Variants in LRRC7 observed in about 807,000 individuals in gnomAD.
The protein encoded by LRRC7 is leucine rich repeat containing 7.
LRRC7 carries 23 observed loss-of-function variants against 175.7 expected under a neutral mutation model. The ratio of observed to expected loss-of-function variants is 0.13; its 90% CI spans 0.09 to 0.19. The LOEUF is 0.19. Among genes scored for constraint, LRRC7 ranks in the 10% least tolerant of loss-of-function variants. The pLI, the probability that LRRC7 is intolerant of heterozygous loss-of-function variation, is 1.00. For missense variants in LRRC7, 1,354 were observed against 1,904.7 expected (o/e 0.71, Z 5.38); for synonymous variants, 685 against 680.9 (o/e 1.01, Z -0.09).
intron 8 of LRRC7, among the ~76,000 whole-genome samples, chr1:69,953,595 C>G (rs1308011326): frequency 6.6e-6 from 1 of 152,016 alleles, no homozygotes. Context: ...TTGACTCTTT[C>G]CATTTCCTGT....
Position 70,038,581 on chromosome 1 carries a change from T to C in LRRC7, c.2757T>C (p.Ser919=), listed in dbSNP as rs146333507. The C allele has an allele frequency of 8.9e-4, 1,433 of 1,614,124 alleles. 1 individual carries two copies. Among genetic ancestry groups the C allele is most frequent in the Non-Finnish European group, 1.1e-3 (1,317 of 1,179,996 alleles). The part of the protein sequence containing the change: ...LPERKEHIKE[S]TEIPSPFSPG... ...AAAGGAAAGAACATATAAAGGAATC[T>C]ACTGAAATACCTAGTCCTTTTTCTC... Residue 919 remains serine (S), a synonymous_variant, in exon 21 of 27, where the codon TCT becomes TCC. Coordinates refer to ENST00000651989, the MANE Select transcript of LRRC7 (RefSeq NM_001370785.2).
intron 1 of LRRC7, among the ~76,000 whole-genome samples, chr1:69,654,924 A>C (rs1273845761): frequency 6.6e-6 from 1 of 152,240 alleles, no homozygotes; most frequent in East Asian, 1.9e-4. Flanking sequence ...TATCCATTCC[A>C]AATATGTTGG....
chr1:69,846,828 A>T (rs1682423829), intron 7 of LRRC7, among the ~76,000 whole-genome samples: 1 of 152,100 alleles, frequency 6.6e-6, no homozygotes, highest in East Asian at 1.9e-4. Context: ...GTGCAAGAAA[A>T]GATTGACATG....
intron 2 of LRRC7, among the ~76,000 whole-genome samples, chr1:69,752,504 T>C (rs1345616777): frequency 6.6e-6 from 1 of 152,158 alleles, no homozygotes; most frequent in African/African-American, 2.4e-5. Flanking sequence ...AATACATATA[T>C]TGTCATTATT....
intron 1 of LRRC7, among the ~76,000 whole-genome samples, chr1:69,650,660 G>A (rs920737422): frequency 6.6e-6 from 1 of 151,846 alleles, no homozygotes. Context: ...CTTTGTCTGT[G>A]TTTGATACAC....
At chr1:69,792,181 T>C (rs749541518) in intron 4 of LRRC7, 21 bp downstream of exon 4, 1 of 1,311,340 alleles carries the variant, frequency 7.6e-7, no homozygotes, top group Non-Finnish European at 1.1e-6. Context: ...TCTCTCATCA[T>C]AAAATACCTA....
intron 1 of LRRC7, among the ~76,000 whole-genome samples, chr1:69,648,286 A>T (rs538214192): frequency 6.6e-6 from 1 of 152,174 alleles, no homozygotes; most frequent in East Asian, 1.9e-4. Flanking sequence ...TGAAAATAAT[A>T]CTCGAGGTGT....
At chr1:70,042,927 A>G (rs1306751767) in intron 21 of LRRC7, among the ~76,000 whole-genome samples, 2 of 152,166 alleles carry the variant, frequency 1.3e-5, no homozygotes, top group African/African-American at 4.8e-5. Flanking sequence ...TCAGAATAGA[A>G]TAGCTACCTG....
At chr1:70,030,493 C>G (rs1471548850) in intron 18 of LRRC7, among the ~76,000 whole-genome samples, 1 of 152,110 alleles carries the variant, frequency 6.6e-6, no homozygotes, top group African/African-American at 2.4e-5. Flanking sequence ...TTAACTGCAG[C>G]CAAAGTAAAG....
chr1:69,774,039 G>A (rs1024155205), intron 3 of LRRC7, among the ~76,000 whole-genome samples: 4 of 152,122 alleles, frequency 2.6e-5, no homozygotes, highest in Non-Finnish European at 5.9e-5. Flanking sequence ...TTGATACTGG[G>A]GAAAGGAGCA....
intron 7 of LRRC7, among the ~76,000 whole-genome samples, chr1:69,876,689 G>A (rs769645705): frequency 6.6e-6 from 1 of 151,964 alleles, no homozygotes; most frequent in Admixed American, 6.6e-5. Flanking sequence ...GCTCTTCATC[G>A]CCTCTTGTGC....
At chr1:69,580,759 T>G (rs896634665) in intron 1 of LRRC7, among the ~76,000 whole-genome samples, 1 of 152,106 alleles carries the variant, frequency 6.6e-6, no homozygotes, top group Non-Finnish European at 1.5e-5. Context: ...TCTCTGGGAG[T>G]TTACAGTCTA....
At chr1:69,660,597 G>A (rs1001763141) in intron 1 of LRRC7, among the ~76,000 whole-genome samples, 2 of 152,002 alleles carry the variant, frequency 1.3e-5, no homozygotes, top group South Asian at 2.1e-4. Flanking sequence ...CTCAGGAAAG[G>A]CCCCTGAAAA....
At chr1:69,756,224 C>T (rs1453782126) in intron 2 of LRRC7, among the ~76,000 whole-genome samples, 1 of 151,352 alleles carries the variant, frequency 6.6e-6, no homozygotes, top group African/African-American at 2.4e-5. Flanking sequence ...AGAAAATAGA[C>T]TAAAAAGACA....
rs1371981192 is a variant in LRRC7 at position 69,666,116 on chromosome 1, T to C, written c.3-12265T>C. Among the ~76,000 whole-genome samples, 3 of 152,134 alleles carry C rather than the reference T, an allele frequency of 2.0e-5. No homozygotes were observed. The East Asian group carries it at 5.8e-4, about 29-fold the overall frequency. Reference sequence around the variant, plus strand: ...TTTGTCCTTTATTGCATTGATAGAATGTATTACATTAATTTATTTGCATAT... The same window carrying C: ...TTTGTCCTTTATTGCATTGATAGAACGTATTACATTAATTTATTTGCATAT... On this transcript the variant is annotated intron_variant, in intron 1 of 26. Transcript: ENST00000651989.
At chr1:69,603,037 G>A (rs558150663) in intron 1 of LRRC7, among the ~76,000 whole-genome samples, 6 of 152,190 alleles carry the variant, frequency 3.9e-5, no homozygotes, top group South Asian at 2.1e-4. Flanking sequence ...ACATTTCTTC[G>A]ACTGTATTCC....
chr1:69,664,016 C>G (rs537226895), intron 1 of LRRC7, among the ~76,000 whole-genome samples: 1 of 152,114 alleles, frequency 6.6e-6, no homozygotes, highest in Admixed American at 6.5e-5. Flanking sequence ...CCACCGCGCC[C>G]GGCCTCGTTT....
chr1:69,671,277 T>C (rs1468150936), intron 1 of LRRC7, among the ~76,000 whole-genome samples: 1 of 152,110 alleles, frequency 6.6e-6, no homozygotes, highest in Admixed American at 6.6e-5. Flanking sequence ...AGGGTGTGTC[T>C]AGTAGTATCA....
At chr1:69,714,615 G>A (rs570186251) in intron 2 of LRRC7, among the ~76,000 whole-genome samples, 12 of 152,250 alleles carry the variant, frequency 7.9e-5, no homozygotes, top group South Asian at 6.2e-4. Context: ...CAGTCCTAGC[G>A]GGAGGAACAA....
Sources: gnomAD v4.1 joint callset for allele counts (sites outside exome capture counted in the v4.1 genomes callset) on GRCh38, gnomAD v4.1.1 for gene constraint, MANE v1.5 for transcripts, NCBI Gene and HGNC (gene_info 2026-07-23, HGNC 2026-07-21) for gene names.